Variants in TRPM3 observed in about 807,000 individuals in gnomAD.
TRPM3 encodes the protein long transient receptor potential channel 3.
A neutral mutation model predicts 181.2 loss-of-function variants in TRPM3; 77 were observed. The ratio of observed to expected loss-of-function variants is 0.42; its 90% confidence interval spans 0.35 to 0.51. The LOEUF is 0.51. Among genes scored for constraint, TRPM3 ranks in the 20% least tolerant of loss-of-function variants. The pLI is 0.01. For synonymous variants in TRPM3, 745 were observed against 796.4 expected (o/e 0.94, Z 1.09); for missense variants, 1,759 against 2,196.7 (o/e 0.80, Z 3.98).
intron 1 of TRPM3, among the ~76,000 whole-genome samples, chr9:70,873,019 A>AC (rs1196075601): frequency 1.3e-5 from 2 of 151,968 alleles, no homozygotes; most frequent in Admixed American, 1.3e-4. Context: ...TTTAACAAAT[A>AC]CTAGTGCTTG....
rs1587993082 is a variant in TRPM3, at chr9:70,536,840, C to A, written c.4273G>T (p.Asp1425Tyr). The part of the protein sequence containing the change: ...YVSAMDELHC[D>Y]IDPLDNSVNI... ...ACGGAATTGTCCAGAGGGTCTATAT[C>A]ACAGTGGAGCTCATCCATAGCAGAG... The change falls in exon 26 of 26, where the codon GAT becomes TAT. Residue 1425 changes from aspartate to tyrosine, a missense_variant. By Grantham distance (160) the Asp-to-Tyr change is radical. Transcript: ENST00000677713. 5 of 1,614,142 alleles carry A rather than the reference C, an allele frequency of 3.1e-6. 1 individual carries two copies. In the South Asian group the frequency reaches 5.5e-5, roughly 18 times the overall value.
chr9:71,400,124 A>G (rs2093307992), intron 1 of TRPM3, among the ~76,000 whole-genome samples: 1 of 152,170 alleles, frequency 6.6e-6, no homozygotes, highest in Non-Finnish European at 1.5e-5. Context: ...TATCAACTAC[A>G]TTACAGAATC....
At chr9:70,813,700 C>T (rs982042996) in intron 6 of TRPM3, among the ~76,000 whole-genome samples, 2 of 152,180 alleles carry the variant, frequency 1.3e-5, no homozygotes, top group Non-Finnish European at 2.9e-5. Flanking sequence ...TAATGCAGCT[C>T]TTTGCATACA....
chr9:70,608,008 T>C (rs1300094816), intron 19 of TRPM3, among the ~76,000 whole-genome samples: 2 of 152,240 alleles, frequency 1.3e-5, no homozygotes, highest in Non-Finnish European at 2.9e-5. Context: ...CTATAACAAA[T>C]GAAGGTGTAA....
At chr9:70,664,640 A>ATTT (rs2061565403) in intron 9 of TRPM3, among the ~76,000 whole-genome samples, 1 of 93,702 alleles carries the variant, frequency 1.1e-5, no homozygotes, top group South Asian at 4.0e-4. Flanking sequence ...TTAGGAGAGT[A>ATTT]GTTTTTTTTT....
chr9:71,431,026 T>C (rs2093946384), intron 1 of TRPM3, among the ~76,000 whole-genome samples: 1 of 152,216 alleles, frequency 6.6e-6, no homozygotes, highest in Non-Finnish European at 1.5e-5. Flanking sequence ...ACATCAATAC[T>C]TATTTGATAC....
In TRPM3 at chr9:71,427,457, T is replaced by A. The variant is rs572225762; in HGVS notation, c.183+19196A>T. 1.7e-4 allele frequency among the ~76,000 whole-genome samples: 26 copies of A among 152,124 alleles called. 1 individual carries two copies. The South Asian group carries it at 5.4e-3, about 32-fold the overall frequency. The stretch of plus-strand genomic sequence containing the variant: ...TAACATCGAGAACCACCATCATAGA[T>A]AATGGTCACTAAAATAGTGTTATCC... On this transcript the variant is annotated intron_variant, in intron 1 of 24. Coordinates refer to the TRPM3 transcript ENST00000357533.
chr9:71,166,143 G>A (rs1183937485), intron 1 of TRPM3, among the ~76,000 whole-genome samples: 1 of 152,168 alleles, frequency 6.6e-6, no homozygotes, highest in Non-Finnish European at 1.5e-5. Context: ...ATTCCATCAT[G>A]AGAATGAACT....
At chr9:71,261,896 C>T (rs2083081463) in intron 1 of TRPM3, among the ~76,000 whole-genome samples, 2 of 152,166 alleles carry the variant, frequency 1.3e-5, no homozygotes, top group Admixed American at 1.3e-4. Flanking sequence ...AGAGGGGCAC[C>T]TGCCAGATGC....
intron 1 of TRPM3, among the ~76,000 whole-genome samples, chr9:70,940,213 A>G (rs181366397): frequency 6.6e-6 from 1 of 152,352 alleles, no homozygotes; most frequent in African/African-American, 2.4e-5. Flanking sequence ...CTTTTGAGGT[A>G]GATAGTTAAT....
intron 4 of TRPM3, among the ~76,000 whole-genome samples, chr9:70,845,131 G>C (rs1271997056): frequency 6.6e-6 from 1 of 152,156 alleles, no homozygotes; most frequent in African/African-American, 2.4e-5. Flanking sequence ...TTACGTAGCT[G>C]TGTGCAGAAT....
chr9:70,747,263 T>A (rs1365189307), intron 8 of TRPM3, among the ~76,000 whole-genome samples: 1 of 152,094 alleles, frequency 6.6e-6, no homozygotes, highest in Non-Finnish European at 1.5e-5. Flanking sequence ...ACAAGAAAGT[T>A]ACAAATAAAG....
At chr9:71,295,496 ACTTAT>A (rs72130647) in intron 1 of TRPM3, among the ~76,000 whole-genome samples, 4,938 of 151,620 alleles carry the variant, frequency 0.033, 282 homozygotes, top group African/African-American at 0.11. Context: ...CAAAAGTATA[ACTTAT>A]CTTATAAAGT....
At chr9:70,821,207 T>C (rs931118650) in intron 6 of TRPM3, among the ~76,000 whole-genome samples, 3 of 152,340 alleles carry the variant, frequency 2.0e-5, no homozygotes, top group Admixed American at 2.0e-4. Context: ...CTAGCCTATG[T>C]GTGGCCAACA....
At chr9:70,893,089 G>A (rs967169916) in intron 1 of TRPM3, among the ~76,000 whole-genome samples, 2 of 152,288 alleles carry the variant, frequency 1.3e-5, no homozygotes, top group Non-Finnish European at 2.9e-5. Context: ...TTTCCCCAAA[G>A]CAGAGTCTCC....
At chr9:70,940,463 G>T (rs2096874971) in intron 1 of TRPM3, among the ~76,000 whole-genome samples, 1 of 152,158 alleles carries the variant, frequency 6.6e-6, no homozygotes, top group Admixed American at 6.5e-5. Context: ...GCTCTTGCTG[G>T]TTCATCGATT....
chr9:70,656,776 G>A (rs2060400164), intron 9 of TRPM3, among the ~76,000 whole-genome samples: 1 of 152,032 alleles, frequency 6.6e-6, no homozygotes, highest in African/African-American at 2.4e-5. Flanking sequence ...AAAATAAATT[G>A]TAGGAAAACA....
intron 1 of TRPM3, among the ~76,000 whole-genome samples, chr9:71,274,536 A>T (rs1332985290): frequency 6.6e-6 from 1 of 152,196 alleles, no homozygotes; most frequent in African/African-American, 2.4e-5. Context: ...AAATGCTGCA[A>T]AGACTAGTTA....
At chr9:70,910,406 G>A (rs2096526445) in intron 1 of TRPM3, among the ~76,000 whole-genome samples, 1 of 152,154 alleles carries the variant, frequency 6.6e-6, no homozygotes, top group South Asian at 2.1e-4. Context: ...TAGTGACTGG[G>A]AAGGGACAGG....
Sources: allele counts gnomAD v4.1 joint callset (sites outside exome capture counted in the v4.1 genomes callset), GRCh38; gene constraint gnomAD v4.1.1; transcripts MANE v1.5; gene names NCBI Gene and HGNC (gene_info 2026-07-23, HGNC 2026-07-21).